MYH14: variants seen among roughly 807,000 people sequenced by gnomAD.
MYH14 encodes the protein myosin-14.
In MYH14, 123 loss-of-function variants were observed where a neutral mutation model predicts 255.5. The observed-to-expected ratio is 0.48, with a 90% CI of 0.42 to 0.56. The LOEUF is 0.56. MYH14 is among the 20% of genes least tolerant of loss of function. The pLI is 0.00. For synonymous variants in MYH14, 1,095 were observed against 1,161.2 expected (o/e 0.94, Z 1.16); for missense variants, 2,423 against 2,802.3 (o/e 0.86, Z 3.06).
chr19:50,203,889 C>T (rs778055888), intron 1 of MYH14, among the ~76,000 whole-genome samples: 3 of 152,144 alleles, frequency 2.0e-5, no homozygotes, highest in Non-Finnish European at 4.4e-5. Context: ...CAGTTGCCGC[C>T]GTGTGCGAGG....
Position 50,258,757 on chromosome 19 carries a change from C to CA in MYH14, c.2233-384dup, listed in dbSNP as rs1219105307. 351 of 143,024 alleles carry CA rather than the reference C, an allele frequency of 2.5e-3. 5 individuals are homozygous for CA. The highest frequency in any genetic ancestry group is 7.1e-3 in the African/African-American group (258 of 36,290). 8.9% of individuals were successfully genotyped at this position (143,024 alleles called of 1,614,324 possible). On this transcript the variant is annotated intron_variant, in intron 18 of 42. Coordinates refer to ENST00000642316, the MANE Select transcript of MYH14 (RefSeq NM_001145809.2). ...AAAAAAAAAAAAACGAACAAACAAA[C>CA]AAACAAAAACCAAAAAAACATGATT...
chr19:50,250,488 T>A lies in MYH14; in HGVS notation c.1657-27T>A. 2 of 1,605,594 alleles carry A rather than the reference T, an allele frequency of 1.2e-6. No individual in the cohort carries two copies. Among genetic ancestry groups the A allele is most frequent in the South Asian group, 1.1e-5 (1 of 89,386 alleles). Reference sequence around the variant, plus strand: ...GTGTCCAATATGTGGGGATCTGACTTACTCTCCCCCTGCTGTCAATGGCCA... The same window carrying A: ...GTGTCCAATATGTGGGGATCTGACTAACTCTCCCCCTGCTGTCAATGGCCA... On this transcript the variant is annotated intron_variant, in intron 14 of 42. Transcript: ENST00000642316. This position sits in a 1 kb window ranked among gnomAD's most constrained non-coding sequence, Gnocchi z 5.4.
Position 50,272,620 on chromosome 19 carries a change from A to G in MYH14, c.3356A>G (p.Asp1119Gly), listed in dbSNP as rs752636745. ...QELEKLKRRL[D>G]GESSELQEQM... ...CTGGAGAAGCTGAAGCGGAGGCTGG[A>G]TGGGGAGAGCTCAGAGCTGCAGGAG... Residue 1119 changes from aspartate (D) to glycine (G), a missense_variant, in exon 27 of 43, where the codon GAT becomes GGT. Physicochemically the swap from Asp to Gly is moderately conservative, Grantham distance 94. This residue lies in a region of MYH14 where 1,513 missense variants were observed against 1,674.8 expected (regional missense o/e 0.90). Transcript: ENST00000642316. The G allele has an allele frequency of 7.0e-6, 11 of 1,579,090 alleles. No individual in the cohort carries two copies. The African/African-American group carries it at 1.3e-4, about 19-fold the overall frequency.
chr19:50,207,302 A>AGAGAGAGAGG (rs1331620286), intron 1 of MYH14, among the ~76,000 whole-genome samples: 20 of 149,694 alleles, frequency 1.3e-4, no homozygotes, highest in Non-Finnish European at 1.8e-4. Context: ...AGAGAGAGAG[A>AGAGAGAGAGG]GAGAGAGAGA....
chr19:50,207,259 G>C (rs2031829863), intron 1 of MYH14, among the ~76,000 whole-genome samples: 1 of 130,210 alleles, frequency 7.7e-6, no homozygotes, highest in Admixed American at 8.1e-5. Flanking sequence ...GAGAGAGAAA[G>C]AGAGAGAGAG....
rs765872091 is a variant in MYH14, at chr19:50,255,219, G to C, written c.1946-1G>C. ...CCCACACATCTGTCCTCACTCCCCA[G>C]AACATGGGGGCTTCCAGCAGTTCTC... On this transcript the variant is annotated splice_acceptor_variant, in intron 16 of 42. Transcript: ENST00000642316. LOFTEE classifies it high-confidence loss of function. 6.5e-7 allele frequency: 1 copy of C among 1,549,992 alleles called. No homozygotes were observed. The highest frequency in any genetic ancestry group is 1.2e-5 in the South Asian group (1 of 84,018).
At chr19:50,307,638 T>C (rs2036698243) in intron 41 of MYH14, among the ~76,000 whole-genome samples, 2 of 152,240 alleles carry the variant, frequency 1.3e-5, no homozygotes, top group South Asian at 2.1e-4. Context: ...CTCAGCACTC[T>C]AGCCCCAGAG....
At chr19:50,236,281 C>T (rs755104508) in intron 10 of MYH14, among the ~76,000 whole-genome samples, 33 of 151,974 alleles carry the variant, frequency 2.2e-4, no homozygotes, top group Non-Finnish European at 3.8e-4. Flanking sequence ...TGCAGTGAAC[C>T]GAGATCATGC....
chr19:50,205,938 G>A (rs2031722189), intron 1 of MYH14, among the ~76,000 whole-genome samples: 1 of 152,182 alleles, frequency 6.6e-6, no homozygotes, highest in African/African-American at 2.4e-5. Context: ...CCCCAGGGCG[G>A]ATCCCTGGCT....
chr19:50,235,183 C>A (rs1195467550), intron 10 of MYH14, among the ~76,000 whole-genome samples: 1 of 151,830 alleles, frequency 6.6e-6, no homozygotes, highest in Non-Finnish European at 1.5e-5. Context: ...CATGGTGAAA[C>A]CCCGTCTCTA....
In MYH14 at chr19:50,286,521, G is replaced by A. The variant is rs2035893321; in HGVS notation, c.4579G>A (p.Glu1527Lys). ...GAAGGCAGCTGTACTTCGGGCAGTG[G>A]AGGAACGTGAGCGGGCCGAGGCAGA... The part of the protein sequence containing the change: ...EEKAAVLRAV[E>K]ERERAEAEGR... Residue 1527 changes from glutamate (E) to lysine (K), a missense_variant, in exon 34 of 43, where the codon GAG (glutamate) becomes AAG (lysine). By Grantham distance (56) the Glu-to-Lys change is moderately conservative. Transcript: ENST00000642316. The A allele has an allele frequency of 6.2e-7, 1 of 1,613,490 alleles. No homozygotes were observed. The highest frequency in any genetic ancestry group is 1.1e-5 in the South Asian group (1 of 90,934).
intron 22 of MYH14, among the ~76,000 whole-genome samples, chr19:50,263,738 A>G (rs552110534): frequency 9.2e-5 from 14 of 152,294 alleles, no homozygotes; most frequent in African/African-American, 3.4e-4. Context: ...GCTACAGTTT[A>G]TCACAATACA....
intron 2 of MYH14, 33 bp from the exon 3 acceptor site, chr19:50,217,582 A>G (rs890799840): frequency 6.2e-7 from 1 of 1,613,930 alleles, no homozygotes; most frequent in Non-Finnish European, 8.5e-7. Context: ...GTGGGCAGCC[A>G]TCTGAGACCC....
At chr19:50,309,601 C>A in intron 42 of MYH14, 39 bp from the exon 43 acceptor site, 2 of 1,501,090 alleles carry the variant, frequency 1.3e-6, no homozygotes, top group East Asian at 2.3e-5. Context: ...CTCCCCTCCC[C>A]TCATTTCATC....
intron 30 of MYH14, among the ~76,000 whole-genome samples, chr19:50,278,970 G>A (rs917837500): frequency 3.9e-5 from 6 of 152,022 alleles, no homozygotes; most frequent in East Asian, 3.9e-4. Flanking sequence ...CCTGGGCAGC[G>A]AGAGTGAAAC....
At chr19:50,211,014 G>C (rs764574557) in intron 2 of MYH14, among the ~76,000 whole-genome samples, 1 of 152,200 alleles carries the variant, frequency 6.6e-6, no homozygotes, top group Non-Finnish European at 1.5e-5. Flanking sequence ...TTTTCCTAAA[G>C]TATAAAACGT....
chr19:50,265,116 C>T (rs1338545394), intron 22 of MYH14, among the ~76,000 whole-genome samples: 2 of 152,224 alleles, frequency 1.3e-5, no homozygotes, highest in Non-Finnish European at 2.9e-5. Flanking sequence ...ACAAGAGTTG[C>T]TGCACTGCGG....
At chr19:50,290,167 C>T (rs967077219) in intron 35 of MYH14, among the ~76,000 whole-genome samples, 1 of 152,012 alleles carries the variant, frequency 6.6e-6, no homozygotes, top group African/African-American at 2.4e-5. Context: ...CCAACCCAAC[C>T]CCTCCCCTAT....
rs1353329111 is a variant in MYH14 at position 50,247,097 on chromosome 19, T to G, written c.1304T>G (p.Val435Gly). 1 of 1,613,406 alleles carries G rather than the reference T, an allele frequency of 6.2e-7. No homozygotes were observed. Among genetic ancestry groups the G allele is most frequent in the South Asian group, 1.1e-5 (1 of 90,912 alleles). ...CGCATCAAAGTTGGCCGAGACTATG[T>G]GCAGAAAGCCCAGACTAAGGAACAG... ...TPRIKVGRDYVQKAQTKEQAD... is the reference protein window; with the variant it reads ...TPRIKVGRDYGQKAQTKEQAD... The change falls in exon 12 of 43, where the codon GTG (valine) becomes GGG (glycine). Residue 435 changes from valine (V) to glycine (G), a missense_variant. Val to Gly is a moderately radical substitution (Grantham distance 109). Transcript: ENST00000642316.
Sources: allele counts gnomAD v4.1 joint callset (sites outside exome capture counted in the v4.1 genomes callset), GRCh38; gene constraint gnomAD v4.1.1; regional missense constraint gnomAD v4.1.1; non-coding constraint Gnocchi (gnomAD v3.1); transcripts MANE v1.5; gene names NCBI Gene and HGNC (gene_info 2026-07-23, HGNC 2026-07-21).